Variants in SHCBP1 observed in about 807,000 individuals in gnomAD.
SHCBP1 encodes SHC SH2 domain-binding protein 1.
SHCBP1 carries 60 observed loss-of-function variants against 75.1 expected under a neutral mutation model. The ratio of observed to expected loss-of-function variants is 0.80; its 90% CI spans 0.65 to 0.99. The LOEUF (loss-of-function observed/expected upper bound fraction) is 0.99, where lower values mean the gene tolerates loss of function less well. Ranked by LOEUF, SHCBP1 falls within the 50% of genes least tolerant of loss-of-function variation. SHCBP1 has a pLI of 0.00. For missense variants in SHCBP1, 709 were observed against 809.4 expected (o/e 0.88, Z 1.50); for synonymous variants, 290 against 293.2 (o/e 0.99, Z 0.11).
Position 46,578,756 on chromosome 16 carries a change from G to A in SHCBP1, c.*2973C>T, listed in dbSNP as rs1373886936. ...TGCTATGCATAAATTTTGCATCAAA[G>A]GCCAATTATCAAAATTTATTTCAAC... On this transcript the variant is annotated 3_prime_UTR_variant, in exon 13 of 13. Transcript: ENST00000303383. Among the ~76,000 whole-genome samples, 1 of 151,990 alleles carries A rather than the reference G, an allele frequency of 6.6e-6. No individual in the cohort carries two copies. Among genetic ancestry groups the A allele is most frequent in the Non-Finnish European group, 1.5e-5 (1 of 68,008 alleles).
chr16:46,610,543 A>ACTTTTTTTT (rs1567452466), intron 4 of SHCBP1, among the ~76,000 whole-genome samples: 1 of 13,584 alleles, frequency 7.4e-5, no homozygotes, highest in African/African-American at 1.6e-4. Flanking sequence ...CCATGGGGTC[A>ACTTTTTTTT]ATTTTTTTTT....
chr16:46,584,403 GAAA>G (rs745598476), intron 10 of SHCBP1: 2 of 168,298 alleles, frequency 1.2e-5, no homozygotes, highest in Non-Finnish European at 2.4e-5. Context: ...ATTCTGCCAA[GAAA>G]AAAAAAAAGT....
At chr16:46,582,376 C>T (rs1458598383) in intron 12 of SHCBP1, among the ~76,000 whole-genome samples, 1 of 152,184 alleles carries the variant, frequency 6.6e-6, no homozygotes, top group African/African-American at 2.4e-5. Context: ...CCCCATGATC[C>T]CCACCCCCTG....
chr16:46,604,353 G>A lies in SHCBP1; in HGVS notation c.798C>T (p.Ser266=). 1 of 1,614,100 alleles carries A rather than the reference G, an allele frequency of 6.2e-7. No homozygotes were observed. The highest frequency in any genetic ancestry group is 8.5e-7 in the Non-Finnish European group (1 of 1,179,970). ...ESYRKFLNLR[S]SLSNCNSDSE... ...AATCAGAGTTACAATTTGACAAACT[G>A]CTTCTCAGATTTAAAAATTTCCTGT... is the stretch of plus-strand genomic sequence containing the variant. Residue 266 remains serine, a synonymous_variant, in exon 6 of 13, where the codon AGC becomes AGT. Coordinates refer to ENST00000303383, the MANE Select transcript of SHCBP1 (RefSeq NM_024745.5).
chr16:46,589,790 G>T (rs1201144653), intron 10 of SHCBP1, among the ~76,000 whole-genome samples: 6 of 152,018 alleles, frequency 3.9e-5, no homozygotes, highest in African/African-American at 1.2e-4. Context: ...AAGCTACCAA[G>T]GACTTTCTTC....
At chr16:46,584,226 A>G in intron 10 of SHCBP1, 137 bp from the exon 11 acceptor site, 1 of 531,514 alleles carries the variant, frequency 1.9e-6, no homozygotes, top group Non-Finnish European at 3.2e-6. Context: ...GATAAGTTTT[A>G]CCAGCCATTT....
chr16:46,603,905 G>T, intron 7 of SHCBP1, 70 bp downstream of exon 7: 1 of 1,528,674 alleles, frequency 6.5e-7, no homozygotes, highest in Non-Finnish European at 8.8e-7. Context: ...AATACTTTGT[G>T]GGATTTGTGA....
intron 4 of SHCBP1, 127 bp from the exon 5 acceptor site, chr16:46,608,516 T>C: frequency 6.2e-6 from 4 of 642,022 alleles, no homozygotes; most frequent in Admixed American, 2.7e-5. Flanking sequence ...ATATTTGCTA[T>C]GGTTGATAGT....
At chr16:46,583,789 T>C in intron 11 of SHCBP1, 132 bp from the exon 12 acceptor site, 1 of 1,118,100 alleles carries the variant, frequency 8.9e-7, no homozygotes, top group Non-Finnish European at 1.3e-6. Context: ...TAGCACAGTC[T>C]GCACCCTTAG....
At chr16:46,603,705 A>G in intron 7 of SHCBP1, 46 bp from the exon 8 acceptor site, 1 of 1,608,646 alleles carries the variant, frequency 6.2e-7, no homozygotes, top group Non-Finnish European at 8.5e-7. Flanking sequence ...CTCCCAAAAA[A>G]GTAATTTGAG....
At chr16:46,606,978 A>C (rs2143000958) in intron 5 of SHCBP1, among the ~76,000 whole-genome samples, 1 of 151,340 alleles carries the variant, frequency 6.6e-6, no homozygotes, top group Non-Finnish European at 1.5e-5. Context: ...GCCCTAACAC[A>C]CCCAGCTAAT....
chr16:46,592,966 A>AAAAG (rs1965073003), intron 10 of SHCBP1, among the ~76,000 whole-genome samples: 1 of 147,200 alleles, frequency 6.8e-6, no homozygotes, highest in Non-Finnish European at 1.5e-5. Context: ...AAAAAAAAAA[A>AAAAG]AAAAAAAAAA....
Position 46,581,626 on chromosome 16 carries a change from A to T in SHCBP1, c.*103T>A. On this transcript the variant is annotated 3_prime_UTR_variant, in exon 13 of 13. Transcript: ENST00000303383. ...ACCTTTCACTCAAGCCCAAATAATC[A>T]AATATAAAATACAGACAATACAGCA... 1 of 1,090,680 alleles carries T rather than the reference A, an allele frequency of 9.2e-7. No homozygotes were observed. The highest frequency in any genetic ancestry group is 1.6e-5 in the South Asian group (1 of 62,748). 67.6% of individuals were successfully genotyped at this position (1,090,680 alleles called of 1,614,324 possible). A position where few individuals can be genotyped will look rare whatever the true frequency, so the allele number is the denominator to read the frequency against.
At chr16:46,591,185 G>A (rs1361017374) in intron 10 of SHCBP1, among the ~76,000 whole-genome samples, 2 of 152,150 alleles carry the variant, frequency 1.3e-5, no homozygotes, top group African/African-American at 2.4e-5. Context: ...GGGGAGCGGG[G>A]AGGGATAGCA....
intron 10 of SHCBP1, among the ~76,000 whole-genome samples, chr16:46,588,319 C>G (rs781022869): frequency 9.2e-5 from 14 of 152,062 alleles, no homozygotes; most frequent in Admixed American, 9.2e-4. Flanking sequence ...TCACTAAGAT[C>G]AGAGAAGAAC....
chr16:46,596,685 T>G (rs1180104961), intron 9 of SHCBP1, among the ~76,000 whole-genome samples: 2 of 151,054 alleles, frequency 1.3e-5, no homozygotes, highest in Non-Finnish European at 2.9e-5. Context: ...CCCAAAGTGT[T>G]GGGATTACAG....
chr16:46,611,983 A>G (rs917580869), intron 4 of SHCBP1, among the ~76,000 whole-genome samples: 1 of 152,228 alleles, frequency 6.6e-6, no homozygotes, highest in Non-Finnish European at 1.5e-5. Context: ...TCCTCAGGTG[A>G]TTCCAAAGTG....
At chr16:46,615,307 G>C (rs928366345) in intron 4 of SHCBP1, among the ~76,000 whole-genome samples, 2 of 152,100 alleles carry the variant, frequency 1.3e-5, no homozygotes, top group Admixed American at 1.3e-4. Context: ...TTTTGGGGGA[G>C]TCAAATGTTA....
intron 7 of SHCBP1, 129 bp from the exon 8 acceptor site, chr16:46,603,788 G>A: frequency 7.4e-7 from 1 of 1,344,674 alleles, no homozygotes; most frequent in South Asian, 1.4e-5. Flanking sequence ...CATCTCCTTT[G>A]ATAGCGCACT....
Sources: gnomAD v4.1 joint callset for allele counts (sites outside exome capture counted in the v4.1 genomes callset) on GRCh38, gnomAD v4.1.1 for gene constraint, MANE v1.5 for transcripts, NCBI Gene and HGNC (gene_info 2026-07-23, HGNC 2026-07-21) for gene names.